The following LMF1 variants were observed in gnomAD, a reference collection of about 807,000 sequenced individuals.
LMF1 encodes the protein transmembrane protein 112.
Under a neutral mutation model 60.6 loss-of-function variants are expected in LMF1, and 68 were observed. That is an observed-to-expected ratio of 1.12 (90% CI 0.92 to 1.37). The LOEUF (loss-of-function observed/expected upper bound fraction) is 1.37, where lower values mean the gene tolerates loss of function less well. Ranked by LOEUF, LMF1 falls within the 40% of genes most tolerant of loss-of-function variation. The pLI is 0.00. For missense variants in LMF1, 948 were observed against 767.2 expected (o/e 1.24, Z -2.78); for synonymous variants, 418 against 324.7 (o/e 1.29, Z -3.09).
Position 968,506 on chromosome 16 carries a change from T to C in LMF1, c.193+2282A>G, listed in dbSNP as rs560891520. On this transcript the variant is annotated intron_variant, in intron 1 of 10. Coordinates refer to ENST00000262301, the MANE Select transcript of LMF1 (RefSeq NM_022773.4). ...CCCTGGGATTCTGAGGAACAGGGAGTAGCGCACAGTCCCAGTAAAATCCAG... is the reference window on the plus strand; with the variant it reads ...CCCTGGGATTCTGAGGAACAGGGAGCAGCGCACAGTCCCAGTAAAATCCAG... 3 of 152,102 alleles carry C rather than the reference T, an allele frequency of 2.0e-5. No homozygotes were observed. In the East Asian group the frequency reaches 5.8e-4, roughly 29 times the overall value. The allele number at this position is 152,102 out of a possible 1,614,324, so 9.4% of individuals were successfully genotyped here.
intron 10 of LMF1, among the ~76,000 whole-genome samples, chr16:860,558 C>T (rs2069431273): frequency 1.3e-5 from 2 of 152,054 alleles, no homozygotes; most frequent in South Asian, 2.1e-4. Flanking sequence ...TCAGGCTGGT[C>T]TCAAACTCCT....
intron 1 of LMF1, among the ~76,000 whole-genome samples, chr16:968,208 G>A (rs2072965879): frequency 2.0e-5 from 3 of 152,336 alleles, no homozygotes; most frequent in Admixed American, 6.5e-5. Context: ...GAGGCCTGTC[G>A]CTGGCAGCCG....
intron 10 of LMF1, among the ~76,000 whole-genome samples, chr16:862,965 G>A (rs1406719694): frequency 1.3e-5 from 2 of 152,140 alleles, no homozygotes; most frequent in Non-Finnish European, 1.5e-5. Flanking sequence ...ATCTGAGCCT[G>A]GATATTTCTT....
intron 10 of LMF1, chr16:855,773 C>T: frequency 2.2e-6 from 1 of 456,078 alleles, no homozygotes; most frequent in South Asian, 1.5e-5. Flanking sequence ...AGGCTTCACA[C>T]TGCACCAGGG....
At chr16:964,082 C>CGTG (rs1182881938) in intron 1 of LMF1, 4 of 455,890 alleles carry the variant, frequency 8.8e-6, no homozygotes, top group Non-Finnish European at 1.8e-5. Flanking sequence ...GAGGAAATAC[C>CGTG]GTGTCGCCCG....
intron 5 of LMF1, among the ~76,000 whole-genome samples, chr16:891,957 A>T (rs2151730133): frequency 6.6e-6 from 1 of 152,326 alleles, no homozygotes; most frequent in Non-Finnish European, 1.5e-5. Flanking sequence ...TCGGACAAAG[A>T]GAGGAGCTCA....
chr16:949,746 C>T (rs1203614780), intron 2 of LMF1, among the ~76,000 whole-genome samples: 2 of 96,832 alleles, frequency 2.1e-5, no homozygotes, highest in Admixed American at 1.1e-4. Context: ...GAGTCAGAGA[C>T]GACAGAGTCA....
intron 3 of LMF1, among the ~76,000 whole-genome samples, chr16:918,515 C>T (rs1412183479): frequency 1.3e-5 from 2 of 152,270 alleles, no homozygotes; most frequent in African/African-American, 4.8e-5. Flanking sequence ...GTGGGCACCA[C>T]ACCTGACCAT....
At chr16:951,741 G>A (rs1447851453) in intron 2 of LMF1, among the ~76,000 whole-genome samples, 1 of 152,236 alleles carries the variant, frequency 6.6e-6, no homozygotes, top group Non-Finnish European at 1.5e-5. Context: ...GACCCCCAGA[G>A]GCGGCGGAAC....
chr16:893,123 G>C, intron 4 of LMF1, 51 bp from the exon 5 acceptor site: 1 of 1,484,018 alleles, frequency 6.7e-7, no homozygotes. Context: ...TGGGGATGCG[G>C]CGGCCCCGAC....
In LMF1 at chr16:980,253, T is replaced by C. The variant is rs536285480; in HGVS notation, c.-135+892A>G. On this transcript the variant is annotated intron_variant, in intron 1 of 6. Transcript: ENST00000570014. ...CGGGCCTGGCTCCGGTTGTTCCCAA[T>C]GCAAAGCAGCAAGGGCCCCGGGGTC... The C allele has an allele frequency of 1.7e-3, 274 of 163,130 alleles. 1 individual carries two copies. Among genetic ancestry groups the C allele is most frequent in the African/African-American group, 6.0e-3 (252 of 41,714 alleles). The allele number at this position is 163,130 out of a possible 1,614,324, so 10.1% of individuals were successfully genotyped here.
chr16:954,137 A>C, intron 2 of LMF1: 1 of 675,254 alleles, frequency 1.5e-6, no homozygotes. Context: ...TAAGTAAGGA[A>C]GAGCTACTGC....
At chr16:881,645 C>G (rs1490962592) in intron 5 of LMF1, 1 of 151,764 alleles carries the variant, frequency 6.6e-6, no homozygotes, top group Non-Finnish European at 1.5e-5. Context: ...GTGGGACCCA[C>G]CCCCTAGTGC....
intron 4 of LMF1, among the ~76,000 whole-genome samples, chr16:906,469 G>A (rs542590928): frequency 1.2e-4 from 18 of 152,236 alleles, no homozygotes; most frequent in African/African-American, 3.9e-4. Context: ...CTCCCAGCCC[G>A]CATCTTTCTT....
At chr16:976,729 G>A (rs1567349029) in intron 1 of LMF1, 4 of 454,052 alleles carry the variant, frequency 8.8e-6, no homozygotes, top group Admixed American at 2.3e-5. Flanking sequence ...CGGACGCTGA[G>A]CAGCAGGAGC....
At chr16:959,657 T>C (rs902884326) in intron 1 of LMF1, among the ~76,000 whole-genome samples, 6 of 152,142 alleles carry the variant, frequency 3.9e-5, no homozygotes, top group African/African-American at 1.4e-4. Flanking sequence ...ATGTTCTGAG[T>C]GGAGACCGCA....
At position 854,403 on chromosome 16, in the gene LMF1, G is replaced by A. The variant is rs769295163; in HGVS notation, c.*129C>T. ...ACCCCACCCTGGACCCCCGTGCTGG[G>A]GGCTGGGTCCCACCGCTCTCCTCTC... On this transcript the variant is annotated 3_prime_UTR_variant, in exon 11 of 11. Coordinates refer to ENST00000262301, the MANE Select transcript of LMF1 (RefSeq NM_022773.4). 6 of 964,054 alleles carry A rather than the reference G, an allele frequency of 6.2e-6. No homozygotes were observed. Among genetic ancestry groups the A allele is most frequent in the Non-Finnish European group, 9.5e-6 (6 of 633,958 alleles). 59.7% of individuals were successfully genotyped at this position (964,054 alleles called of 1,614,324 possible).
At chr16:887,629 CCA>C (rs2070348278) in intron 5 of LMF1, among the ~76,000 whole-genome samples, 1 of 152,150 alleles carries the variant, frequency 6.6e-6, no homozygotes, top group Non-Finnish European at 1.5e-5. Flanking sequence ...GGAGCCCAGC[CCA>C]GAGAGGGCTG....
intron 1 of LMF1, chr16:964,099 C>A (rs1000164107): frequency 2.2e-6 from 1 of 455,902 alleles, no homozygotes; most frequent in African/African-American, 2.0e-5. Context: ...CCCGAGCAGC[C>A]AACAGCAGGC....
Sources: allele counts gnomAD v4.1 joint callset (sites outside exome capture counted in the v4.1 genomes callset), GRCh38; gene constraint gnomAD v4.1.1; transcripts MANE v1.5; gene names NCBI Gene and HGNC (gene_info 2026-07-23, HGNC 2026-07-21).